THTPA: variants seen among roughly 807,000 people sequenced by gnomAD.
THTPA encodes the protein thiamine triphosphatase, also known as thiamine-triphosphatase.
In THTPA, 16 loss-of-function variants were observed where a neutral mutation model predicts 16.5. That is an observed-to-expected ratio of 0.97 (90% CI 0.66 to 1.47). THTPA has a LOEUF of 1.47. Among genes scored for constraint, THTPA ranks in the 40% most tolerant of loss-of-function variants. The pLI is 0.00. For missense variants in THTPA, 281 were observed against 280.9 expected (o/e 1.00, Z 0.00); for synonymous variants, 110 against 115.5 (o/e 0.95, Z 0.30).
the THTPA span, chr14:23,526,537 G>A: frequency 6.5e-7 from 1 of 1,535,898 alleles, no homozygotes; most frequent in Non-Finnish European, 8.7e-7. Flanking sequence ...CTTCAGCTTG[G>A]GCATCAGGTT....
chr14:23,556,576 C>T lies in THTPA; in HGVS notation c.-182C>T. 3 of 642,070 alleles carry T rather than the reference C, an allele frequency of 4.7e-6. No homozygotes were observed. Among genetic ancestry groups the T allele is most frequent in the Non-Finnish European group, 7.9e-6 (3 of 378,624 alleles). The allele number at this position is 642,070 out of a possible 1,614,324, so 39.8% of individuals were successfully genotyped here. A position where few individuals can be genotyped will look rare whatever the true frequency, so the allele number is the denominator to read the frequency against. ...GAGCCTTAAAATATCACCGACGGGG[C>T]CTTAATGTCACCGAGGTAGAGAGAA... is the stretch of plus-strand genomic sequence containing the variant. On this transcript the variant is annotated 5_prime_UTR_variant, in exon 1 of 2. Coordinates refer to ENST00000288014, the MANE Select transcript of THTPA (RefSeq NM_024328.6).
At chr14:23,525,511 C>G in the THTPA span, 2 of 1,535,714 alleles carry the variant, frequency 1.3e-6, no homozygotes, top group Non-Finnish European at 1.7e-6. This position sits in a 1 kb window ranked among gnomAD's most constrained non-coding sequence, Gnocchi z 5.9. Context: ...CCAGCTTGTC[C>G]CCACCCCCGA....
At chr14:23,532,863 C>T in the THTPA span, 1 of 1,536,236 alleles carries the variant, frequency 6.5e-7, no homozygotes, top group South Asian at 1.2e-5. Context: ...TGGGTGTCAC[C>T]AGCCACCTCC....
the THTPA span, chr14:23,522,883 T>C: frequency 3.2e-5 from 48 of 1,498,604 alleles, no homozygotes; most frequent in South Asian, 3.3e-4. Context: ...TCTGGACCAC[T>C]GTGGTGGTAG....
upstream of THTPA, among the ~76,000 whole-genome samples, chr14:23,551,065 G>A (rs1173659016): frequency 6.6e-6 from 1 of 151,210 alleles, no homozygotes; most frequent in Non-Finnish European, 1.5e-5. This position sits in a 1 kb window ranked among gnomAD's most constrained non-coding sequence, Gnocchi z 5.3. Flanking sequence ...TCCCGTTCCC[G>A]TTTCTCCCTC....
chr14:23,542,133 A>G, the THTPA span: 1 of 152,336 alleles, frequency 6.6e-6, no homozygotes, highest in East Asian at 1.9e-4. Context: ...CTAGGTCTTG[A>G]TTTGCATATA....
the THTPA span, chr14:23,533,285 C>T: frequency 3.5e-6 from 5 of 1,436,016 alleles, no homozygotes; most frequent in Middle Eastern, 1.9e-4. This position sits in a 1 kb window ranked among gnomAD's most constrained non-coding sequence, Gnocchi z 4.8. Context: ...AGAAGCTTAC[C>T]GGATGTGGGG....
At position 23,559,610 on chromosome 14, in the gene THTPA, G is replaced by A. The variant is rs1185171981; in HGVS notation, c.*770G>A. Reference sequence around the variant, plus strand: ...AGGCTTTATTGGGCTTTATTTGTGGGAGAAGGGGGCTGGTCCCCAGTTTTT... The same window carrying A: ...AGGCTTTATTGGGCTTTATTTGTGGAAGAAGGGGGCTGGTCCCCAGTTTTT... On this transcript the variant is annotated 3_prime_UTR_variant, in exon 2 of 2. Coordinates refer to ENST00000288014, the MANE Select transcript of THTPA (RefSeq NM_024328.6). The A allele has an allele frequency of 3.9e-5, 27 of 694,860 alleles. No individual in the cohort carries two copies. The South Asian group carries it at 4.8e-4, about 12-fold the overall frequency. The allele number at this position is 694,860 out of a possible 1,614,324, so 43.0% of individuals were successfully genotyped here.
At chr14:23,557,340 C>A in intron 1 of THTPA, 36 bp downstream of exon 1, 1 of 1,522,838 alleles carries the variant, frequency 6.6e-7, no homozygotes, top group Non-Finnish European at 8.8e-7. Context: ...TTTTCCTGCT[C>A]CCCACTTTTC....
the THTPA span, chr14:23,522,104 G>C: frequency 6.5e-7 from 1 of 1,535,400 alleles, no homozygotes; most frequent in Non-Finnish European, 8.7e-7. Context: ...GCCCCCTTGA[G>C]GTGGGGCTGC....
chr14:23,522,696 T>G, the THTPA span: 1 of 1,536,588 alleles, frequency 6.5e-7, no homozygotes, highest in Non-Finnish European at 8.7e-7. Context: ...GCTTTGAGGT[T>G]CTTGAGGGCA....
the THTPA span, among the ~76,000 whole-genome samples, chr14:23,547,270 G>C: frequency 1.3e-5 from 2 of 152,212 alleles, no homozygotes; most frequent in Non-Finnish European, 2.9e-5. Context: ...TGCTGCCTTC[G>C]TTGTATTAAT....
chr14:23,553,892 TCAAA>T (rs201576360), upstream of THTPA, among the ~76,000 whole-genome samples: 1,068 of 151,616 alleles, frequency 7.0e-3, 5 homozygotes, highest in African/African-American at 9.7e-3. Context: ...AGACTCCGTC[TCAAA>T]CAAACAAACA....
At position 23,558,811 on chromosome 14, in the gene THTPA, A is replaced by G; in HGVS notation, c.664A>G (p.Thr222Ala). 3 of 1,614,192 alleles carry G rather than the reference A, an allele frequency of 1.9e-6. No homozygotes were observed. Among genetic ancestry groups the G allele is most frequent in the Non-Finnish European group, 2.5e-6 (3 of 1,180,028 alleles). The change falls in exon 2 of 2, where the codon ACT (threonine) becomes GCT (alanine). Residue 222 changes from threonine (T) to alanine (A), a missense_variant. Physicochemically the swap from Thr to Ala is moderately conservative, Grantham distance 58. Transcript: ENST00000288014. ...VNSSRERPQE[T>A]EDPDHCLG is the part of the protein sequence containing the mutation. ...CAGCTCCAGAGAGAGGCCACAGGAG[A>G]CTGAAGATCCTGACCACTGCCTGGG...
chr14:23,534,417 G>A, the THTPA span: 8 of 1,536,802 alleles, frequency 5.2e-6, no homozygotes, highest in Non-Finnish European at 7.0e-6. This position sits in a 1 kb window ranked among gnomAD's most constrained non-coding sequence, Gnocchi z 4.5. Flanking sequence ...CAAGGGGTAT[G>A]TCAGAAGAGG....
the THTPA span, chr14:23,528,876 G>A: frequency 3.1e-6 from 3 of 974,638 alleles, no homozygotes; most frequent in Non-Finnish European, 3.7e-6. Flanking sequence ...GCTGGCACCA[G>A]TGGCACAGGC....
At chr14:23,545,561 AC>A in the THTPA span, among the ~76,000 whole-genome samples, 1 of 152,064 alleles carries the variant, frequency 6.6e-6, no homozygotes, top group Non-Finnish European at 1.5e-5. Context: ...TCTTTCCAGA[AC>A]CTCTTTCTCA....
chr14:23,522,749 C>G, the THTPA span: 11 of 1,536,388 alleles, frequency 7.2e-6, no homozygotes, highest in Non-Finnish European at 9.6e-6. Flanking sequence ...CTTTCGCTCA[C>G]TGGAGACCTT....
the THTPA span, chr14:23,533,993 G>A: frequency 6.5e-7 from 1 of 1,537,486 alleles, no homozygotes; most frequent in East Asian, 2.4e-5. This position sits in a 1 kb window ranked among gnomAD's most constrained non-coding sequence, Gnocchi z 4.8. Context: ...TTGCGTGAGT[G>A]GAGCAGGGAC....
Sources: gnomAD v4.1 joint callset for allele counts (sites outside exome capture counted in the v4.1 genomes callset) on GRCh38, gnomAD v4.1.1 for gene constraint, Gnocchi (gnomAD v3.1) non-coding constraint, MANE v1.5 for transcripts, NCBI Gene and HGNC (gene_info 2026-07-23, HGNC 2026-07-21) for gene names.